The following BCL2L14 variants were observed in gnomAD, a reference collection of about 807,000 sequenced individuals.
BCL2L14 encodes the protein apoptosis facilitator Bcl-2-like protein 14.
Under a neutral mutation model 35.3 loss-of-function variants are expected in BCL2L14, and 27 were observed. That is an observed-to-expected ratio of 0.76 (90% CI 0.56 to 1.05). BCL2L14 has a LOEUF of 1.05. Ranked by LOEUF, BCL2L14 falls within the 50% of genes least tolerant of loss-of-function variation. BCL2L14 has a pLI of 0.00. For missense variants in BCL2L14, 377 were observed against 382.6 expected (o/e 0.99, Z 0.12); for synonymous variants, 139 against 145.9 (o/e 0.95, Z 0.34).
At chr12:12,059,113 G>A in intron 2 of BCL2L14, among the ~76,000 whole-genome samples, 1 of 152,154 alleles carries the variant, frequency 6.6e-6, no homozygotes, top group South Asian at 2.1e-4. Context: ...GTCACGGACT[G>A]GGAATGCAGC....
chr12:12,054,053 G>A (rs1165332976), intron 2 of BCL2L14, among the ~76,000 whole-genome samples: 2 of 152,076 alleles, frequency 1.3e-5, no homozygotes, highest in Admixed American at 6.5e-5. Context: ...CAGTTATGGG[G>A]GCCCTGACTT....
intron 5 of BCL2L14, among the ~76,000 whole-genome samples, chr12:12,097,033 A>G (rs1482485154): frequency 6.6e-6 from 1 of 152,048 alleles, no homozygotes; most frequent in African/African-American, 2.4e-5. Context: ...AGTCCCAGCT[A>G]CTCAGGGGGG....
chr12:12,064,689 T>C (rs1486750138), intron 2 of BCL2L14, among the ~76,000 whole-genome samples: 3 of 152,222 alleles, frequency 2.0e-5, no homozygotes, highest in East Asian at 1.9e-4. Context: ...CCATTGCTTC[T>C]ATGAGACCAA....
intron 3 of BCL2L14, among the ~76,000 whole-genome samples, chr12:12,088,925 C>T (rs1441090921): frequency 6.6e-6 from 1 of 152,190 alleles, no homozygotes; most frequent in Non-Finnish European, 1.5e-5. Context: ...CCCACATGGG[C>T]TTGGGAGATG....
At chr12:12,081,704 G>A (rs1360105217) in intron 2 of BCL2L14, among the ~76,000 whole-genome samples, 2 of 151,900 alleles carry the variant, frequency 1.3e-5, no homozygotes, top group Non-Finnish European at 2.9e-5. Context: ...GATCACAGGC[G>A]CGCACCACCA....
upstream of BCL2L14, chr12:12,070,921 G>C (rs1047407473): frequency 1.3e-5 from 2 of 152,110 alleles, no homozygotes; most frequent in African/African-American, 4.8e-5. Flanking sequence ...ATAAGGAAGT[G>C]GTTCTCCTTC....
chr12:12,090,767 T>C lies in BCL2L14; in HGVS notation c.608-12T>C, dbSNP rs1565484374. On this transcript the variant is annotated splice_polypyrimidine_tract_variant and intron_variant, in intron 3 of 5. Coordinates refer to ENST00000308721, the MANE Select transcript of BCL2L14 (RefSeq NM_138723.2). ...TTCTCTTAAAAGAAATAACTGGAAT[T>C]TTCCCCGACAGATGAAGAAGAACAA... The C allele has an allele frequency of 4.4e-6, 7 of 1,606,748 alleles. No individual in the cohort carries two copies. The highest frequency in any genetic ancestry group is 5.9e-6 in the Non-Finnish European group (7 of 1,176,730).
chr12:12,061,938 C>A (rs1308715015), intron 2 of BCL2L14, among the ~76,000 whole-genome samples: 5 of 152,168 alleles, frequency 3.3e-5, no homozygotes, highest in African/African-American at 4.8e-5. Flanking sequence ...TAGTGCAGTC[C>A]GAATTCTTAC....
chr12:12,091,719 G>A (rs964165900), intron 4 of BCL2L14, among the ~76,000 whole-genome samples: 2 of 152,310 alleles, frequency 1.3e-5, no homozygotes, highest in Admixed American at 1.3e-4. Context: ...GAGAAACAGC[G>A]AGAAAACCAG....
At chr12:12,066,492 A>G (rs566484789), upstream of BCL2L14, among the ~76,000 whole-genome samples, 1 of 152,152 alleles carries the variant, frequency 6.6e-6, no homozygotes, top group Non-Finnish European at 1.5e-5. Flanking sequence ...ATTTTTATCT[A>G]AGATATATTT....
At chr12:12,073,703 T>G (rs1948718451) in intron 1 of BCL2L14, among the ~76,000 whole-genome samples, 2 of 152,324 alleles carry the variant, frequency 1.3e-5, no homozygotes, top group South Asian at 4.1e-4. Flanking sequence ...GTTACTGGTC[T>G]GACGAGGGCG....
chr12:12,066,232 G>A (rs896369682), upstream of BCL2L14, among the ~76,000 whole-genome samples: 9 of 152,240 alleles, frequency 5.9e-5, no homozygotes, highest in East Asian at 1.2e-3. Flanking sequence ...CCTCTGCTCC[G>A]TTTCCCAAAT....
At chr12:12,092,422 T>C (rs1162993441) in intron 4 of BCL2L14, among the ~76,000 whole-genome samples, 2 of 152,210 alleles carry the variant, frequency 1.3e-5, no homozygotes, top group African/African-American at 2.4e-5. Context: ...AGGTGTGACC[T>C]TGTGCTGGGC....
At chr12:12,092,227 G>A (rs544043811) in intron 4 of BCL2L14, among the ~76,000 whole-genome samples, 2 of 152,324 alleles carry the variant, frequency 1.3e-5, no homozygotes, top group South Asian at 2.1e-4. Context: ...GAAGGCCACC[G>A]ATCTCAGGTT....
At chr12:12,053,842 C>T (rs1183666889) in intron 2 of BCL2L14, among the ~76,000 whole-genome samples, 1 of 152,196 alleles carries the variant, frequency 6.6e-6, no homozygotes. Context: ...ATGCCTTTGA[C>T]ATGAGCCACT....
At chr12:12,061,765 G>GC (rs1159297922) in intron 2 of BCL2L14, among the ~76,000 whole-genome samples, 1 of 152,142 alleles carries the variant, frequency 6.6e-6, no homozygotes, top group Non-Finnish European at 1.5e-5. Flanking sequence ...TTCACAGACA[G>GC]CCCCCATTAC....
At chr12:12,052,428 A>C (rs1022769205) in intron 2 of BCL2L14, among the ~76,000 whole-genome samples, 1 of 152,156 alleles carries the variant, frequency 6.6e-6, no homozygotes, top group Non-Finnish European at 1.5e-5. Context: ...TACTTCTATG[A>C]GATCAACTTT....
chr12:12,075,191 C>T (rs1948753298), intron 1 of BCL2L14, among the ~76,000 whole-genome samples: 1 of 151,980 alleles, frequency 6.6e-6, no homozygotes, highest in South Asian at 2.1e-4. Flanking sequence ...GGCGCGATCC[C>T]CGCTCACTGC....
At chr12:12,066,272 T>C (rs949274943), upstream of BCL2L14, among the ~76,000 whole-genome samples, 1 of 152,198 alleles carries the variant, frequency 6.6e-6, no homozygotes, top group Non-Finnish European at 1.5e-5. Flanking sequence ...CAGCCTTTTA[T>C]TGCTCCATTC....
Sources: allele counts gnomAD v4.1 joint callset (sites outside exome capture counted in the v4.1 genomes callset), GRCh38; gene constraint gnomAD v4.1.1; transcripts MANE v1.5; gene names NCBI Gene and HGNC (gene_info 2026-07-23, HGNC 2026-07-21).